UNC13C: variants seen among roughly 807,000 people sequenced by gnomAD.
UNC13C encodes the protein unc-13 homolog C.
In UNC13C, 174 loss-of-function variants were observed where a neutral mutation model predicts 245.4. That is an observed-to-expected ratio of 0.71 (90% CI 0.63 to 0.80). The LOEUF (loss-of-function observed/expected upper bound fraction) is 0.80. Ranked by LOEUF, UNC13C falls within the 30% of genes least tolerant of loss-of-function variation. The pLI is 0.00. For synonymous variants in UNC13C, 992 were observed against 895.1 expected (o/e 1.11, Z -1.93); for missense variants, 2,829 against 2,602.9 (o/e 1.09, Z -1.89).
chr15:54,130,703 T>C (rs1487132906), intron 2 of UNC13C, among the ~76,000 whole-genome samples: 1 of 152,226 alleles, frequency 6.6e-6, no homozygotes, highest in Non-Finnish European at 1.5e-5. Flanking sequence ...CCTATCTTCA[T>C]AGGCAAATCT....
chr15:54,570,191 A>G (rs1423087887), intron 30 of UNC13C, among the ~76,000 whole-genome samples: 1 of 152,156 alleles, frequency 6.6e-6, no homozygotes, highest in East Asian at 1.9e-4. Context: ...TCTATTTCAT[A>G]TCAATTCCTG....
At chr15:54,172,412 C>T (rs1007065097) in intron 4 of UNC13C, among the ~76,000 whole-genome samples, 1 of 151,420 alleles carries the variant, frequency 6.6e-6, no homozygotes, top group Non-Finnish European at 1.5e-5. Context: ...TTTTAAATTG[C>T]CTGTTCTTGA....
At chr15:54,230,986 C>T (rs2035535172) in intron 4 of UNC13C, among the ~76,000 whole-genome samples, 1 of 152,002 alleles carries the variant, frequency 6.6e-6, no homozygotes, top group African/African-American at 2.4e-5. Flanking sequence ...CAGCCATTGA[C>T]TTTCCAACTA....
Position 54,475,993 on chromosome 15 carries a change from T to C in UNC13C, c.4934-18615T>C, listed in dbSNP as rs1313279664. On this transcript the variant is annotated intron_variant, in intron 19 of 32. Transcript: ENST00000260323. Reference sequence around the variant, plus strand: ...TGTTTTTTCCTGACTTTTTAATGATTGCCATTCTAACTGGCGTGAGATGGT... The same window carrying C: ...TGTTTTTTCCTGACTTTTTAATGATCGCCATTCTAACTGGCGTGAGATGGT... Among the ~76,000 whole-genome samples the C allele has an allele frequency of 1.9e-4, 22 of 115,852 alleles. 1 individual carries two copies. The highest frequency in any genetic ancestry group is 7.2e-4 in the East Asian group (2 of 2,778). The allele number at this position is 115,852 out of a possible 152,430, so 76.0% of individuals were successfully genotyped here.
rs112161606 is a variant in UNC13C at position 54,129,797 on chromosome 15, T to C, written c.2984-13221T>C. 4.3e-3 allele frequency among the ~76,000 whole-genome samples: 645 copies of C among 151,646 alleles called. 7 individuals carry two copies. The highest frequency in any genetic ancestry group is 0.015 in the African/African-American group (620 of 41,550). On this transcript the variant is annotated intron_variant, in intron 2 of 32. Transcript: ENST00000260323. ...TGTTTATATGTACATTCTATTTTCT[T>C]AGTGCTGCTTAAGATTTATACTTCC...
chr15:54,476,227 G>C lies in UNC13C; in HGVS notation c.4934-18381G>C, dbSNP rs1015390988. Among the ~76,000 whole-genome samples the C allele has an allele frequency of 5.3e-3, 737 of 139,246 alleles. 17 individuals are homozygous for C. Among genetic ancestry groups the C allele is most frequent in the African/African-American group, 0.019 (690 of 36,728 alleles). The allele number at this position is 139,246 out of a possible 152,430, so 91.4% of individuals were successfully genotyped here. On this transcript the variant is annotated intron_variant, in intron 19 of 32. Transcript: ENST00000260323. ...ATATTAGCCCTTTGTCAGATGAGTA[G>C]GTTGCGAAAATTTTCTCCCATTTTG...
intron 1 of UNC13C, among the ~76,000 whole-genome samples, chr15:53,999,215 C>G (rs1490672396): frequency 6.6e-6 from 1 of 151,840 alleles, no homozygotes; most frequent in East Asian, 1.9e-4. Context: ...TTTAAAAATT[C>G]CGCCTGGAGC....
intron 9 of UNC13C, 116 bp downstream of exon 9, chr15:54,264,511 A>G: frequency 1.2e-6 from 1 of 827,142 alleles, no homozygotes; most frequent in Non-Finnish European, 1.9e-6. Context: ...GAATCATGTT[A>G]ATATGAACAA....
rs146690795 is a variant in UNC13C at position 54,541,257 on chromosome 15, A to G, written c.5697-5465A>G. Among the ~76,000 whole-genome samples, 1,102 of 152,164 alleles carry G rather than the reference A, an allele frequency of 7.2e-3. 12 individuals carry two copies. The highest frequency in any genetic ancestry group is 0.025 in the African/African-American group (1,052 of 41,524). ...CCTCTCACATGTCACATGCCTTTCA[A>G]TGTTATCCACTGTAATTATATAAAT... On this transcript the variant is annotated intron_variant, in intron 26 of 32. Coordinates refer to ENST00000260323, the MANE Select transcript of UNC13C (RefSeq NM_001080534.3).
In UNC13C at chr15:54,494,655, C is replaced by T. The variant is rs1199562736; in HGVS notation, c.4981C>T (p.His1661Tyr). 1 of 1,610,804 alleles carries T rather than the reference C, an allele frequency of 6.2e-7. No individual in the cohort carries two copies. Among genetic ancestry groups the T allele is most frequent in the African/African-American group, 1.3e-5 (1 of 74,896 alleles). Residue 1661 changes from histidine to tyrosine, a missense_variant, in exon 20 of 33, where the codon CAT becomes TAT. His to Tyr is a moderately conservative substitution (Grantham distance 83). Coordinates refer to ENST00000260323, the MANE Select transcript of UNC13C (RefSeq NM_001080534.3). ...LCKSTDYMNLHFKVKWFYNEY... is the reference protein window; with the variant it reads ...LCKSTDYMNLYFKVKWFYNEY... ...CAAGAGCACCGATTATATGAATTTGCATTTCAAAGTTAAATGGTTTTATAA... is the reference window on the plus strand; with the variant it reads ...CAAGAGCACCGATTATATGAATTTGTATTTCAAAGTTAAATGGTTTTATAA...
At chr15:54,427,812 A>AG (rs796235399) in intron 19 of UNC13C, among the ~76,000 whole-genome samples, 4 of 151,802 alleles carry the variant, frequency 2.6e-5, no homozygotes, top group African/African-American at 9.6e-5. Flanking sequence ...CAATTTTTTG[A>AG]GGGGAAATGT....
chr15:53,882,038 G>T, the UNC13C span, among the ~76,000 whole-genome samples: 1 of 152,148 alleles, frequency 6.6e-6, no homozygotes, highest in Admixed American at 6.6e-5. Context: ...AGGATATCCA[G>T]AACGTGCATG....
At chr15:53,896,508 T>G in the UNC13C span, among the ~76,000 whole-genome samples, 1 of 152,154 alleles carries the variant, frequency 6.6e-6, no homozygotes, top group African/African-American at 2.4e-5. Flanking sequence ...TGAGTATTAT[T>G]ACAATATTCA....
chr15:53,855,838 A>G, the UNC13C span, among the ~76,000 whole-genome samples: 1 of 152,144 alleles, frequency 6.6e-6, no homozygotes, highest in Non-Finnish European at 1.5e-5. Context: ...CTCCTTTTCA[A>G]TCTTTTGGAA....
chr15:54,074,268 TTGGTTAC>T lies in UNC13C; in HGVS notation c.2983+58385_2983+58391del, dbSNP rs371214851. Among the ~76,000 whole-genome samples the T allele has an allele frequency of 4.0e-4, 61 of 152,340 alleles. No homozygotes were observed. The East Asian group carries it at 0.011, about 27-fold the overall frequency. ...GTTTTGGTACCACTACCATGCTGTT[TTGGTTAC>T]TGTAGCCTTGTAGTATAGTTTGAAG... On this transcript the variant is annotated intron_variant, in intron 2 of 32. Coordinates refer to ENST00000260323, the MANE Select transcript of UNC13C (RefSeq NM_001080534.3).
intron 19 of UNC13C, among the ~76,000 whole-genome samples, chr15:54,433,835 G>A (rs1355119040): frequency 2.6e-5 from 4 of 151,570 alleles, no homozygotes; most frequent in African/African-American, 9.6e-5. Flanking sequence ...TTAGAAAACC[G>A]ATTGTCTCAG....
chr15:54,579,629 C>T (rs1371081375), intron 30 of UNC13C, among the ~76,000 whole-genome samples: 3 of 152,078 alleles, frequency 2.0e-5, no homozygotes, highest in Admixed American at 6.6e-5. Context: ...CATGGTGGCA[C>T]GCACCTGCAG....
At chr15:54,351,378 A>G (rs12916498) in intron 17 of UNC13C, among the ~76,000 whole-genome samples, 26,338 of 152,054 alleles carry the variant, frequency 0.17, 2,833 homozygotes, top group Middle Eastern at 0.25. Flanking sequence ...TTTTCTTTTT[A>G]GTAAGTATCT....
At chr15:53,852,127 T>C in the UNC13C span, among the ~76,000 whole-genome samples, 1 of 152,116 alleles carries the variant, frequency 6.6e-6, no homozygotes, top group Admixed American at 6.5e-5. Flanking sequence ...GATTCAGCTT[T>C]CACCCTGTGG....
Sources: gnomAD v4.1 joint callset for allele counts (sites outside exome capture counted in the v4.1 genomes callset) on GRCh38, gnomAD v4.1.1 for gene constraint, MANE v1.5 for transcripts, NCBI Gene and HGNC (gene_info 2026-07-23, HGNC 2026-07-21) for gene names.